Variants in LYRM7 observed in about 807,000 individuals in gnomAD.
LYRM7 encodes complex III assembly factor LYRM7.
LYRM7 carries 9 observed loss-of-function variants against 15.8 expected under a neutral mutation model. That is an observed-to-expected ratio of 0.57 (90% CI 0.34 to 0.99). The LOEUF is 0.99. LYRM7 is among the 50% of genes least tolerant of loss of function. The pLI is 0.02. For synonymous variants in LYRM7, 39 were observed against 39.4 expected (o/e 0.99, Z 0.04); for missense variants, 115 against 119.1 (o/e 0.97, Z 0.16).
intron 1 of LYRM7, 113 bp from the exon 2 acceptor site, chr5:131,179,982 C>T: frequency 1.4e-6 from 1 of 704,844 alleles, no homozygotes; most frequent in Non-Finnish European, 2.4e-6. Context: ...ACCATATCGC[C>T]CAGGGTCTCG....
At chr5:131,181,495 TAC>T (rs1267482093) in intron 2 of LYRM7, among the ~76,000 whole-genome samples, 2 of 141,020 alleles carry the variant, frequency 1.4e-5, no homozygotes, top group Non-Finnish European at 3.0e-5. Flanking sequence ...TATGTATATA[TAC>T]ACACACACAA....
intron 4 of LYRM7, among the ~76,000 whole-genome samples, chr5:131,194,516 C>T (rs930327271): frequency 2.0e-5 from 3 of 152,164 alleles, no homozygotes; most frequent in Non-Finnish European, 4.4e-5. Flanking sequence ...CTTTGTAGCT[C>T]AGGCACAGGC....
Position 131,200,064 on chromosome 5 carries a change from C to G in LYRM7, c.*463C>G, listed in dbSNP as rs1315502893. ...AATCACAGTGTATGCCAGCTCTCTA[C>G]AGAAAGTGGCCTTTGTTTTCTAAAG... On this transcript the variant is annotated 3_prime_UTR_variant, in exon 5 of 5. Transcript: ENST00000379380. 6.6e-6 allele frequency: 1 copy of G among 152,342 alleles called. No individual in the cohort carries two copies. Among genetic ancestry groups the G allele is most frequent in the African/African-American group, 2.4e-5 (1 of 41,452 alleles). 9.4% of individuals were successfully genotyped at this position (152,342 alleles called of 1,614,324 possible).
chr5:131,188,032 G>C (rs1755824875), intron 4 of LYRM7, among the ~76,000 whole-genome samples: 2 of 151,992 alleles, frequency 1.3e-5, no homozygotes, highest in African/African-American at 4.8e-5. Flanking sequence ...CAAGGCAGGA[G>C]TCTAGATTGA....
chr5:131,180,227 C>A, intron 2 of LYRM7, 60 bp downstream of exon 2: 1 of 1,173,808 alleles, frequency 8.5e-7, no homozygotes, highest in Non-Finnish European at 1.3e-6. Context: ...ACTAATCTCT[C>A]TGAGAAACCC....
At position 131,205,257 on chromosome 5, in the gene LYRM7, A is replaced by C. The variant is rs1756159602; in HGVS notation, c.*5656A>C. ...TACCAAGTGTGTATGTATTCAAAAA[A>C]CAGTTGTTTTGTGATTTTAAAATGT... On this transcript the variant is annotated 3_prime_UTR_variant, in exon 5 of 5. Coordinates refer to ENST00000379380, the MANE Select transcript of LYRM7 (RefSeq NM_181705.4). The C allele has an allele frequency of 6.6e-6, 1 of 152,210 alleles. No homozygotes were observed. Among genetic ancestry groups the C allele is most frequent in the Non-Finnish European group, 1.5e-5 (1 of 68,034 alleles). The allele number at this position is 152,210 out of a possible 1,614,324, so 9.4% of individuals were successfully genotyped here.
chr5:131,179,828 C>A (rs1055526178), intron 1 of LYRM7, among the ~76,000 whole-genome samples: 1 of 151,840 alleles, frequency 6.6e-6, no homozygotes, highest in South Asian at 2.1e-4. Context: ...CCCAGCTACT[C>A]GGGAGGCTGA....
rs1049689466 is a variant in LYRM7, at chr5:131,204,014, A to G, written c.*4413A>G. ...CACAAGTTAGACAATCATATCCAAT[A>G]TTTTTAAAGGTTGTAAGACTATAAG... is the stretch of plus-strand genomic sequence containing the variant. On this transcript the variant is annotated 3_prime_UTR_variant, in exon 5 of 5. Coordinates refer to ENST00000379380, the MANE Select transcript of LYRM7 (RefSeq NM_181705.4). 1 of 152,076 alleles carries G rather than the reference A, an allele frequency of 6.6e-6. No homozygotes were observed. Among genetic ancestry groups the G allele is most frequent in the African/African-American group, 2.4e-5 (1 of 41,422 alleles). 9.4% of individuals were successfully genotyped at this position (152,076 alleles called of 1,614,324 possible).
chr5:131,180,021 C>T lies in LYRM7; in HGVS notation c.19-74C>T. 2.0e-5 allele frequency: 20 copies of T among 1,001,280 alleles called. No homozygotes were observed. The South Asian group carries it at 2.2e-4, about 11-fold the overall frequency. The allele number at this position is 1,001,280 out of a possible 1,614,324, so 62.0% of individuals were successfully genotyped here. A position where few individuals can be genotyped will look rare whatever the true frequency, so the allele number is the denominator to read the frequency against. On this transcript the variant is annotated intron_variant, in intron 1 of 4. Coordinates refer to ENST00000379380, the MANE Select transcript of LYRM7 (RefSeq NM_181705.4). Reference sequence around the variant, plus strand: ...TCCTGGGCTAAAGCGATCCTGCTACCTCAACTTCCCAAAGTGCTGGGATTA... The same window carrying T: ...TCCTGGGCTAAAGCGATCCTGCTACTTCAACTTCCCAAAGTGCTGGGATTA...
intron 1 of LYRM7, among the ~76,000 whole-genome samples, chr5:131,177,284 G>A (rs568151203): frequency 1.3e-5 from 2 of 152,160 alleles, no homozygotes; most frequent in South Asian, 2.1e-4. Flanking sequence ...CACAAATGTT[G>A]ACTAGCATTT....
Position 131,171,028 on chromosome 5 carries a change from G to T in LYRM7, c.8G>T (p.Arg3Leu), listed in dbSNP as rs752799944. The T allele has an allele frequency of 5.2e-6, 8 of 1,536,414 alleles. No homozygotes were observed. Among genetic ancestry groups the T allele is most frequent in the African/African-American group, 1.4e-5 (1 of 69,618 alleles). MG[R>L]AVKVLQLFKT... ...GCCGCGGTGAGGAGAGCCATGGGAC[G>T]GGCAGTCAAGGTGACAGGGCCCGGG... is the stretch of plus-strand genomic sequence containing the variant. The change falls in exon 1 of 5, where the codon CGG (arginine) becomes CTG (leucine). Residue 3 changes from arginine (R) to leucine (L), a missense_variant. Coordinates refer to ENST00000379380, the MANE Select transcript of LYRM7 (RefSeq NM_181705.4).
At position 131,205,276 on chromosome 5, in the gene LYRM7, A is replaced by G. The variant is rs1288766414; in HGVS notation, c.*5675A>G. 6.6e-6 allele frequency: 1 copy of G among 152,236 alleles called. No individual in the cohort carries two copies. Among genetic ancestry groups the G allele is most frequent in the African/African-American group, 2.4e-5 (1 of 41,468 alleles). The allele number at this position is 152,236 out of a possible 1,614,324, so 9.4% of individuals were successfully genotyped here. A position where few individuals can be genotyped will look rare whatever the true frequency, so the allele number is the denominator to read the frequency against. ...CAAAAAACAGTTGTTTTGTGATTTT[A>G]AAATGTAAATGAATGGCGTTATGCT... On this transcript the variant is annotated 3_prime_UTR_variant, in exon 5 of 5. Coordinates refer to ENST00000379380, the MANE Select transcript of LYRM7 (RefSeq NM_181705.4).
At chr5:131,177,337 G>A (rs1755617493) in intron 1 of LYRM7, among the ~76,000 whole-genome samples, 1 of 152,104 alleles carries the variant, frequency 6.6e-6, no homozygotes, top group Non-Finnish European at 1.5e-5. Context: ...TAGACTACCT[G>A]TCTCCTGGGT....
At chr5:131,176,521 T>G (rs910963567) in intron 1 of LYRM7, among the ~76,000 whole-genome samples, 2 of 73,732 alleles carry the variant, frequency 2.7e-5, no homozygotes, top group Non-Finnish European at 4.5e-5. Context: ...CATTTATGGG[T>G]TTTTTTTTTT....
intron 2 of LYRM7, among the ~76,000 whole-genome samples, chr5:131,180,647 C>T (rs981780292): frequency 2.6e-5 from 4 of 152,148 alleles, no homozygotes; most frequent in Admixed American, 6.5e-5. Flanking sequence ...CTGTGTTATT[C>T]ATGTTCAGTT....
At chr5:131,198,493 G>A (rs1406505997) in intron 4 of LYRM7, among the ~76,000 whole-genome samples, 1 of 152,026 alleles carries the variant, frequency 6.6e-6, no homozygotes, top group Non-Finnish European at 1.5e-5. Flanking sequence ...AGCATTTTTT[G>A]ATTGATAGCT....
chr5:131,184,051 A>G (rs1404392014), intron 3 of LYRM7, among the ~76,000 whole-genome samples: 2 of 151,502 alleles, frequency 1.3e-5, no homozygotes, highest in African/African-American at 4.9e-5. Flanking sequence ...GGTCACTGCA[A>G]CCTCCACCTC....
chr5:131,190,902 C>T (rs767360833), intron 4 of LYRM7, among the ~76,000 whole-genome samples: 6 of 151,904 alleles, frequency 3.9e-5, no homozygotes, highest in Non-Finnish European at 8.8e-5. Flanking sequence ...GTAGTATAGC[C>T]AACATTTTAT....
intron 3 of LYRM7, among the ~76,000 whole-genome samples, chr5:131,183,784 G>T (rs572004095): frequency 2.4e-4 from 37 of 151,836 alleles, no homozygotes; most frequent in Non-Finnish European, 4.0e-4. Flanking sequence ...ACCCCAAAAA[G>T]CTTTGTTTAT....
Sources: gnomAD v4.1 joint callset for allele counts (sites outside exome capture counted in the v4.1 genomes callset) on GRCh38, gnomAD v4.1.1 for gene constraint, MANE v1.5 for transcripts, NCBI Gene and HGNC (gene_info 2026-07-23, HGNC 2026-07-21) for gene names.